FXYD6: variants seen among roughly 807,000 people sequenced by gnomAD.
FXYD6 encodes the protein FXYD domain-containing ion transport regulator 6.
A neutral mutation model predicts 16.7 loss-of-function variants in FXYD6; 7 were observed. The observed-to-expected ratio is 0.42, with a 90% CI of 0.24 to 0.79. The LOEUF (loss-of-function observed/expected upper bound fraction) is 0.79. Ranked by LOEUF, FXYD6 falls within the 30% of genes least tolerant of loss-of-function variation. The pLI is 0.28. For missense variants in FXYD6, 111 were observed against 116.2 expected (o/e 0.95, Z 0.21); for synonymous variants, 49 against 43.0 (o/e 1.14, Z -0.54).
At chr11:117,840,424 A>G (rs2056311699) in intron 5 of FXYD6, 56 bp from the exon 6 acceptor site, 1 of 1,612,098 alleles carries the variant, frequency 6.2e-7, no homozygotes. Flanking sequence ...AGACCCAGAG[A>G]GCATCGTTCT....
chr11:117,845,973 T>C (rs923467082), intron 1 of FXYD6, among the ~76,000 whole-genome samples: 2 of 152,244 alleles, frequency 1.3e-5, no homozygotes, highest in African/African-American at 4.8e-5. Flanking sequence ...AAGTCATTCA[T>C]TGGGTTGTAT....
At chr11:117,860,460 G>A (rs2056879031) in intron 1 of FXYD6, among the ~76,000 whole-genome samples, 1 of 152,210 alleles carries the variant, frequency 6.6e-6, no homozygotes, top group Admixed American at 6.5e-5. Context: ...AGCATCTCTA[G>A]CTTCATACAT....
At chr11:117,856,352 A>C (rs2056725342) in intron 1 of FXYD6, among the ~76,000 whole-genome samples, 1 of 152,064 alleles carries the variant, frequency 6.6e-6, no homozygotes, top group Non-Finnish European at 1.5e-5. Flanking sequence ...GAGGCTCCAA[A>C]TTACAGTGAA....
In FXYD6 at chr11:117,839,402, AC is replaced by A. The variant is rs368262143; in HGVS notation, c.*21+378del. The A allele has an allele frequency of 5.4e-3, 1,343 of 249,726 alleles. 4 individuals carry two copies. Among genetic ancestry groups the A allele is most frequent in the East Asian group, 8.4e-3 (108 of 12,810 alleles). The allele number at this position is 249,726 out of a possible 1,614,324, so 15.5% of individuals were successfully genotyped here. ...GTTTCATAATAAGGTGTTTAAAAAAACAAGTGGCCCTAAAGTACTTTCTGAG... is the reference window on the plus strand; with the variant it reads ...GTTTCATAATAAGGTGTTTAAAAAAAAAGTGGCCCTAAAGTACTTTCTGAG... On this transcript the variant is annotated intron_variant, in intron 7 of 7. Transcript: ENST00000526014.
chr11:117,869,162 T>G (rs998387592), intron 1 of FXYD6: 12 of 152,216 alleles, frequency 7.9e-5, no homozygotes, highest in African/African-American at 2.9e-4. Context: ...CAGCCAGCAA[T>G]GTTCCAGAGA....
chr11:117,854,030 T>C (rs2134165364), intron 1 of FXYD6, among the ~76,000 whole-genome samples: 1 of 152,334 alleles, frequency 6.6e-6, no homozygotes, highest in Middle Eastern at 3.4e-3. Flanking sequence ...GCATCTGCTA[T>C]CTGTAAAACA....
At chr11:117,841,664 T>C in intron 4 of FXYD6, 127 bp downstream of exon 4, 1 of 1,006,924 alleles carries the variant, frequency 9.9e-7, no homozygotes, top group Admixed American at 1.9e-5. Context: ...GTCGTGAAGA[T>C]AACACGGAGG....
chr11:117,841,746 C>A (rs979801647), intron 4 of FXYD6, 45 bp downstream of exon 4: 44 of 1,609,486 alleles, frequency 2.7e-5, no homozygotes, highest in Non-Finnish European at 3.3e-5. Context: ...TGCTTAGCAG[C>A]CTCAGTCATT....
chr11:117,870,478 C>T lies in FXYD6; in HGVS notation c.-6+6114G>A, dbSNP rs1031243144. Reference sequence around the variant, plus strand: ...CAGAGCAGCTGCCAGGGCCAGGAACCCAGAAGCCAGGCCCACGCCACCCTG... The same window carrying T: ...CAGAGCAGCTGCCAGGGCCAGGAACTCAGAAGCCAGGCCCACGCCACCCTG... On this transcript the variant is annotated intron_variant, in intron 1 of 7. Coordinates refer to ENST00000526014, the MANE Select transcript of FXYD6 (RefSeq NM_022003.4). The surrounding 1 kb of genome is among the most constrained non-coding windows in gnomAD (Gnocchi z 4.2). Among the ~76,000 whole-genome samples, 1 of 152,198 alleles carries T rather than the reference C, an allele frequency of 6.6e-6. No individual in the cohort carries two copies. Among genetic ancestry groups the T allele is most frequent in the Non-Finnish European group, 1.5e-5 (1 of 68,026 alleles).
intron 1 of FXYD6, chr11:117,858,370 G>T (rs1474268882): frequency 6.6e-6 from 1 of 152,316 alleles, no homozygotes; most frequent in Non-Finnish European, 1.5e-5. Flanking sequence ...GCTCCAGGGG[G>T]GCTTTCCCAG....
At chr11:117,873,692 G>A (rs907826011) in intron 1 of FXYD6, among the ~76,000 whole-genome samples, 4 of 152,250 alleles carry the variant, frequency 2.6e-5, no homozygotes, top group African/African-American at 7.2e-5. Flanking sequence ...GATGGCGGCC[G>A]ACTAAGTCCA....
At chr11:117,864,099 T>G (rs1280359877) in intron 1 of FXYD6, among the ~76,000 whole-genome samples, 2 of 152,176 alleles carry the variant, frequency 1.3e-5, no homozygotes, top group Non-Finnish European at 2.9e-5. Context: ...AAAAAATCTA[T>G]GCTAAAATTC....
intron 1 of FXYD6, among the ~76,000 whole-genome samples, chr11:117,868,039 C>T (rs530257219): frequency 2.3e-4 from 35 of 152,302 alleles, no homozygotes; most frequent in Non-Finnish European, 4.3e-4. Flanking sequence ...CACGTAGACC[C>T]CTTTCTCCAG....
intron 7 of FXYD6, chr11:117,838,973 A>G (rs11216575): frequency 0.091 from 13,908 of 153,256 alleles, 996 homozygotes; most frequent in African/African-American, 0.2. Flanking sequence ...GGGGGAAAAA[A>G]AGGCAGAAGT....
At chr11:117,862,061 A>ACTG (rs2056918319) in intron 1 of FXYD6, among the ~76,000 whole-genome samples, 1 of 152,214 alleles carries the variant, frequency 6.6e-6, no homozygotes, top group Non-Finnish European at 1.5e-5. Flanking sequence ...GAGAGGAGAG[A>ACTG]AAACCCGGAG....
intron 1 of FXYD6, among the ~76,000 whole-genome samples, chr11:117,851,614 A>G (rs2134160422): frequency 6.6e-6 from 1 of 152,352 alleles, no homozygotes; most frequent in East Asian, 1.9e-4. Context: ...AATTTACAAC[A>G]TATGTACTGA....
intron 7 of FXYD6, chr11:117,839,124 G>C (rs1018363927): frequency 1.3e-5 from 2 of 152,800 alleles, no homozygotes; most frequent in Non-Finnish European, 2.9e-5. Flanking sequence ...CACTCTCCAC[G>C]GGGCTATTCC....
At position 117,872,215 on chromosome 11, in the gene FXYD6, A is replaced by G. The variant is rs2057153390; in HGVS notation, c.-6+4377T>C. Among the ~76,000 whole-genome samples, 1 of 152,150 alleles carries G rather than the reference A, an allele frequency of 6.6e-6. No individual in the cohort carries two copies. Among genetic ancestry groups the G allele is most frequent in the Non-Finnish European group, 1.5e-5 (1 of 68,016 alleles). On this transcript the variant is annotated intron_variant, in intron 1 of 7. Transcript: ENST00000526014. This position sits in a 1 kb window ranked among gnomAD's most constrained non-coding sequence, Gnocchi z 4.9. ...GGGAGAGGTGACAGGGCGTGTGAGAATGTGTGAGCCACTGCCTCCCTGTCG... is the reference window on the plus strand; with the variant it reads ...GGGAGAGGTGACAGGGCGTGTGAGAGTGTGTGAGCCACTGCCTCCCTGTCG...
At chr11:117,862,945 GGATGATGATGAT>G (rs200902855) in intron 1 of FXYD6, among the ~76,000 whole-genome samples, 8 of 151,864 alleles carry the variant, frequency 5.3e-5, no homozygotes, top group African/African-American at 1.2e-4. Context: ...TGGTCAAAGG[GGATGATGATGAT>G]GATGATGATG....
Sources: gnomAD v4.1 joint callset for allele counts (sites outside exome capture counted in the v4.1 genomes callset) on GRCh38, gnomAD v4.1.1 for gene constraint, Gnocchi (gnomAD v3.1) non-coding constraint, MANE v1.5 for transcripts, NCBI Gene and HGNC (gene_info 2026-07-23, HGNC 2026-07-21) for gene names.